Variants in FERMT1 observed in about 807,000 individuals in gnomAD.
FERMT1 encodes fermitin family homolog 1.
Under a neutral mutation model 85.3 loss-of-function variants are expected in FERMT1, and 60 were observed. The ratio of observed to expected loss-of-function variants is 0.70; its 90% CI spans 0.57 to 0.87. The LOEUF is 0.87. FERMT1 is among the 40% of genes least tolerant of loss of function. The pLI, the probability that FERMT1 is intolerant of heterozygous loss-of-function variation, is 0.00. For missense variants in FERMT1, 701 were observed against 818.9 expected (o/e 0.86, Z 1.76); for synonymous variants, 275 against 301.1 (o/e 0.91, Z 0.90).
intron 5 of FERMT1, 139 bp downstream of exon 5, chr20:6,110,158 CT>C: frequency 1.3e-6 from 1 of 745,002 alleles, no homozygotes; most frequent in Non-Finnish European, 2.4e-6. Flanking sequence ...AATTTTTCCC[CT>C]TTGTTGCTAA....
intron 4 of FERMT1, among the ~76,000 whole-genome samples, chr20:6,110,975 C>T (rs747372640): frequency 2.0e-5 from 3 of 152,156 alleles, no homozygotes; most frequent in Non-Finnish European, 4.4e-5. Context: ...CTCACTCTGT[C>T]GCCCAGGCTG....
At chr20:6,089,976 A>G (rs1484202792) in intron 9 of FERMT1, among the ~76,000 whole-genome samples, 1 of 152,204 alleles carries the variant, frequency 6.6e-6, no homozygotes, top group Non-Finnish European at 1.5e-5. Flanking sequence ...AGATCAGGGT[A>G]TCTCATGCCA....
chr20:6,102,219 T>C (rs1007784548), intron 6 of FERMT1, among the ~76,000 whole-genome samples: 3 of 152,110 alleles, frequency 2.0e-5, no homozygotes, highest in South Asian at 4.1e-4. Flanking sequence ...TGCATCACAA[T>C]GTTCCAGATC....
At chr20:6,085,610 G>C (rs1982156326) in intron 11 of FERMT1, among the ~76,000 whole-genome samples, 1 of 152,198 alleles carries the variant, frequency 6.6e-6, no homozygotes, top group Non-Finnish European at 1.5e-5. Context: ...TCAACTTTGG[G>C]AGGTTGAGGT....
chr20:6,080,244 A>G (rs571281082), intron 13 of FERMT1, among the ~76,000 whole-genome samples: 2 of 152,246 alleles, frequency 1.3e-5, no homozygotes, highest in African/African-American at 2.4e-5. Context: ...TTCAAGAGCA[A>G]AGGTCTTGTA....
intron 4 of FERMT1, among the ~76,000 whole-genome samples, chr20:6,112,160 G>A (rs539435349): frequency 3.3e-5 from 5 of 152,202 alleles, no homozygotes; most frequent in South Asian, 2.1e-4. Flanking sequence ...ACAAGCATGA[G>A]GCACCGTGAC....
At chr20:6,081,797 A>G (rs1189753580) in intron 13 of FERMT1, among the ~76,000 whole-genome samples, 4 of 152,132 alleles carry the variant, frequency 2.6e-5, no homozygotes, top group African/African-American at 9.7e-5. Context: ...TCCTAGCTGA[A>G]TATGTCACTT....
At chr20:6,078,114 C>T (rs1289133458) in intron 14 of FERMT1, among the ~76,000 whole-genome samples, 1 of 152,244 alleles carries the variant, frequency 6.6e-6, no homozygotes, top group African/African-American at 2.4e-5. Context: ...ACAACCTTGG[C>T]TGCCCATTGA....
Position 6,097,524 on chromosome 20 carries a change from C to T in FERMT1, c.957G>A (p.Gln319=). The T allele has an allele frequency of 6.2e-7, 1 of 1,606,800 alleles. No individual in the cohort carries two copies. Among genetic ancestry groups the T allele is most frequent in the Non-Finnish European group, 8.5e-7 (1 of 1,173,330 alleles). Residue 319 remains glutamine, a splice_region_variant and synonymous_variant, in exon 7 of 15, where the codon CAG becomes CAA. Transcript: ENST00000217289. The part of the protein sequence containing the change: ...EEEMLIFAAL[Q]YHISKLSLSA... ...AGAAAAGGTACTGAAGTTCCCATAC[C>T]TGTAGAGCTGCAAAGATCAACATTT...
Position 6,076,494 on chromosome 20 carries a change from A to T in FERMT1, c.*679T>A, listed in dbSNP as rs1481969631. On this transcript the variant is annotated 3_prime_UTR_variant, in exon 15 of 15. Transcript: ENST00000217289. ...AATGGGGCTTGCAGGTGGCCCCAGA[A>T]ATCTGAGGAGACCAATGACTAAGAC... is the stretch of plus-strand genomic sequence containing the variant. The T allele has an allele frequency of 1.9e-6, 1 of 515,200 alleles. No individual in the cohort carries two copies. The highest frequency in any genetic ancestry group is 3.9e-6 in the Non-Finnish European group (1 of 258,450). The allele number at this position is 515,200 out of a possible 1,614,324, so 31.9% of individuals were successfully genotyped here. A position where few individuals can be genotyped will look rare whatever the true frequency, so the allele number is the denominator to read the frequency against.
chr20:6,098,736 T>C (rs1345487291), intron 6 of FERMT1, among the ~76,000 whole-genome samples: 1 of 152,118 alleles, frequency 6.6e-6, no homozygotes, highest in Non-Finnish European at 1.5e-5. Flanking sequence ...ATGGATTAAA[T>C]AATTTAAACA....
Position 6,116,064 on chromosome 20 carries a change from A to G in FERMT1, c.152-20T>C, listed in dbSNP as rs1033106301. ...ATATATCTGCAAAAATGAAAGCACA[A>G]TTAAGTAAAATGAGAGAGGGCCCAG... On this transcript the variant is annotated intron_variant, in intron 2 of 14. Coordinates refer to ENST00000217289, the MANE Select transcript of FERMT1 (RefSeq NM_017671.5). 7 of 1,562,756 alleles carry G rather than the reference A, an allele frequency of 4.5e-6. No homozygotes were observed. The highest frequency in any genetic ancestry group is 1.7e-4 in the Middle Eastern group (1 of 5,988).
intron 13 of FERMT1, 120 bp downstream of exon 13, chr20:6,083,920 G>T: frequency 8.6e-7 from 1 of 1,163,178 alleles, no homozygotes; most frequent in Non-Finnish European, 1.3e-6. Flanking sequence ...ATTTATAAAA[G>T]GGCAATATTC....
intron 5 of FERMT1, 127 bp from the exon 6 acceptor site, chr20:6,107,761 T>C (rs1055861790): frequency 1.7e-6 from 1 of 589,044 alleles, no homozygotes; most frequent in East Asian, 3.4e-5. Context: ...GTAATACAGA[T>C]TGAGTATCAC....
In FERMT1 at chr20:6,076,025, G is replaced by A. The variant is rs1451348471; in HGVS notation, c.*1148C>T. ...AGAGATGACACAGCAAAAAACAGAG[G>A]GGGAGAAAAAAGTCTATTATTGGCT... is the stretch of plus-strand genomic sequence containing the variant. On this transcript the variant is annotated 3_prime_UTR_variant, in exon 15 of 15. Transcript: ENST00000217289. The A allele has an allele frequency of 6.4e-6, 1 of 155,424 alleles. No individual in the cohort carries two copies. Among genetic ancestry groups the A allele is most frequent in the Non-Finnish European group, 1.4e-5 (1 of 70,106 alleles). The allele number at this position is 155,424 out of a possible 1,614,324, so 9.6% of individuals were successfully genotyped here.
chr20:6,079,989 T>C (rs1471851010), intron 13 of FERMT1, among the ~76,000 whole-genome samples: 7 of 151,956 alleles, frequency 4.6e-5, no homozygotes, highest in Non-Finnish European at 8.8e-5. Flanking sequence ...GAAAATAAAG[T>C]TGGAAGGGCT....
At chr20:6,102,285 G>A (rs981750706) in intron 6 of FERMT1, among the ~76,000 whole-genome samples, 1 of 151,954 alleles carries the variant, frequency 6.6e-6, no homozygotes, top group Non-Finnish European at 1.5e-5. Flanking sequence ...CCCCCACCCC[G>A]AGAACTCTTT....
At chr20:6,091,702 T>C (rs1982374032) in intron 9 of FERMT1, among the ~76,000 whole-genome samples, 1 of 152,210 alleles carries the variant, frequency 6.6e-6, no homozygotes. Context: ...CCTACTTCTC[T>C]GTTCTACCTG....
intron 8 of FERMT1, among the ~76,000 whole-genome samples, chr20:6,096,623 A>G (rs1982504903): frequency 6.6e-6 from 1 of 152,150 alleles, no homozygotes; most frequent in Non-Finnish European, 1.5e-5. Flanking sequence ...AGTGAAGTGG[A>G]GCCCTCAGCA....
Sources: allele counts gnomAD v4.1 joint callset (sites outside exome capture counted in the v4.1 genomes callset), GRCh38; gene constraint gnomAD v4.1.1; transcripts MANE v1.5; gene names NCBI Gene and HGNC (gene_info 2026-07-23, HGNC 2026-07-21).